Variants in PDLIM4 observed in about 807,000 individuals in gnomAD.
PDLIM4 encodes PDZ and LIM domain protein 4.
A neutral mutation model predicts 31.3 loss-of-function variants in PDLIM4; 19 were observed. That is an observed-to-expected ratio of 0.61 (90% confidence interval 0.42 to 0.89). The LOEUF (loss-of-function observed/expected upper bound fraction) is 0.89, where lower values mean the gene tolerates loss of function less well. Ranked by LOEUF, PDLIM4 falls within the 40% of genes least tolerant of loss-of-function variation. PDLIM4 has a pLI of 0.00. For synonymous variants in PDLIM4, 176 were observed against 190.1 expected (o/e 0.93, Z 0.61); for missense variants, 442 against 461.1 (o/e 0.96, Z 0.38).
Position 132,271,042 on chromosome 5 carries a change from A to G in PDLIM4, c.455A>G (p.Glu152Gly), listed in dbSNP as rs745870450. 2 of 1,614,092 alleles carry G rather than the reference A, an allele frequency of 1.2e-6. No individual in the cohort carries two copies. Among genetic ancestry groups the G allele is most frequent in the South Asian group, 1.1e-5 (1 of 91,084 alleles). ...RFPVPHNGSS[E>G]ATLPAQMSTL... is the part of the protein sequence containing the mutation. ...CCAGTCCCTCACAATGGCAGCAGCG[A>G]GGCCACCCTGCCAGCCCAGATGAGC... is the stretch of plus-strand genomic sequence containing the variant. The change falls in exon 4 of 7, where the codon GAG becomes GGG. Residue 152 changes from glutamate (E) to glycine (G), a missense_variant. Transcript: ENST00000253754.
chr5:132,272,316 C>A lies in PDLIM4; in HGVS notation c.*87C>A. 1 of 1,118,300 alleles carries A rather than the reference C, an allele frequency of 8.9e-7. No individual in the cohort carries two copies. Among genetic ancestry groups the A allele is most frequent in the Non-Finnish European group, 1.3e-6 (1 of 757,762 alleles). The allele number at this position is 1,118,300 out of a possible 1,614,324, so 69.3% of individuals were successfully genotyped here. Reference sequence around the variant, plus strand: ...TCACCCTGTCCCTCTAATAAAGCTCCTCTGCTCCACCTTGAACCTGTCACC... The same window carrying A: ...TCACCCTGTCCCTCTAATAAAGCTCATCTGCTCCACCTTGAACCTGTCACC... On this transcript the variant is annotated 3_prime_UTR_variant, in exon 7 of 7. Transcript: ENST00000253754.
At chr5:132,259,499 C>T (rs1489062797) in intron 1 of PDLIM4, among the ~76,000 whole-genome samples, 1 of 152,168 alleles carries the variant, frequency 6.6e-6, no homozygotes, top group Non-Finnish European at 1.5e-5. Flanking sequence ...CCCAAAGTCA[C>T]GCGGCAGCAG....
In PDLIM4 at chr5:132,272,391, G is replaced by A. The variant is rs77817662; in HGVS notation, c.*162G>A. 4.4e-3 allele frequency: 2,844 copies of A among 649,810 alleles called. 61 individuals carry two copies. In the African/African-American group the frequency reaches 0.046, roughly 11 times the overall value. 40.3% of individuals were successfully genotyped at this position (649,810 alleles called of 1,614,324 possible). A position where few individuals can be genotyped will look rare whatever the true frequency, so the allele number is the denominator to read the frequency against. ...CCATGCATGGCTCCCGAGTACAGTA[G>A]TATCTGCTTAGGTGCCAGGCATGTC... On this transcript the variant is annotated 3_prime_UTR_variant, in exon 7 of 7. Transcript: ENST00000253754.
chr5:132,271,700 G>A (rs753592716), intron 5 of PDLIM4, 91 bp from the exon 6 acceptor site: 3 of 1,061,294 alleles, frequency 2.8e-6, no homozygotes, highest in African/African-American at 3.1e-5. Flanking sequence ...CTCGGGTGCC[G>A]ATGGCCCGTC....
At chr5:132,265,807 C>G (rs959029329) in intron 2 of PDLIM4, among the ~76,000 whole-genome samples, 3 of 152,196 alleles carry the variant, frequency 2.0e-5, no homozygotes, top group Non-Finnish European at 4.4e-5. Flanking sequence ...GCCTTAGGCA[C>G]GTAGCCTCTC....
At chr5:132,260,050 T>C (rs1756339900) in intron 1 of PDLIM4, among the ~76,000 whole-genome samples, 2 of 152,156 alleles carry the variant, frequency 1.3e-5, no homozygotes, top group African/African-American at 4.8e-5. Context: ...TGGCCTTACA[T>C]AGATGGAGAC....
chr5:132,266,600 G>T, intron 3 of PDLIM4, 55 bp downstream of exon 3: 1 of 1,193,516 alleles, frequency 8.4e-7, no homozygotes, highest in Non-Finnish European at 1.2e-6. Context: ...CAGGGCAGAG[G>T]GGCCAGCATG....
chr5:132,260,044 C>T (rs1756339696), intron 1 of PDLIM4, among the ~76,000 whole-genome samples: 1 of 152,214 alleles, frequency 6.6e-6, no homozygotes, highest in East Asian at 1.9e-4. Flanking sequence ...TCCCTCTGGC[C>T]TTACATAGAT....
At chr5:132,259,400 A>T (rs1331798942) in intron 1 of PDLIM4, among the ~76,000 whole-genome samples, 1 of 152,158 alleles carries the variant, frequency 6.6e-6, no homozygotes, top group African/African-American at 2.4e-5. Context: ...CAGCAGCAGC[A>T]GCAACAGCCT....
intron 5 of PDLIM4, 123 bp downstream of exon 5, chr5:132,271,589 C>G (rs2292259): frequency 0.03 from 33,435 of 1,125,072 alleles, 1,916 homozygotes; most frequent in East Asian, 0.19. Context: ...CGGCCCGGTC[C>G]CACGCCCTTG....
Position 132,271,415 on chromosome 5 carries a change from C to A in PDLIM4, c.619C>A (p.Gln207Lys). 6.2e-7 allele frequency: 1 copy of A among 1,608,978 alleles called. No individual in the cohort carries two copies. ...CGAGCCCGTGGCCGCGGAGCCCAAG[C>A]AGTCAGGCTCCTTCCGCTACTTGCA... The part of the protein sequence containing the change: ...PAEPVAAEPK[Q>K]SGSFRYLQGM... Residue 207 changes from glutamine (Q) to lysine (K), a missense_variant, in exon 5 of 7, where the codon CAG becomes AAG. Gln to Lys is a moderately conservative substitution (Grantham distance 53). Coordinates refer to ENST00000253754, the MANE Select transcript of PDLIM4 (RefSeq NM_003687.4).
At position 132,271,439 on chromosome 5, in the gene PDLIM4, C is replaced by G; in HGVS notation, c.643C>G (p.Gln215Glu). 1.2e-6 allele frequency: 2 copies of G among 1,609,286 alleles called. No homozygotes were observed. The highest frequency in any genetic ancestry group is 1.7e-6 in the Non-Finnish European group (2 of 1,179,896). Residue 215 changes from glutamine to glutamate, a missense_variant, in exon 5 of 7, where the codon CAG becomes GAG. Physicochemically the swap from Gln to Glu is conservative, Grantham distance 29 (BLOSUM62 2). Transcript: ENST00000253754. ...GCAGTCAGGCTCCTTCCGCTACTTG[C>G]AGGGCATGCTAGAGGCCGGCGAGGG... ...PKQSGSFRYL[Q>E]GMLEAGEGGD...
chr5:132,265,724 CCCA>C (rs1401053028), intron 2 of PDLIM4, among the ~76,000 whole-genome samples: 3 of 152,224 alleles, frequency 2.0e-5, no homozygotes, highest in African/African-American at 7.2e-5. Context: ...TCACCTCATA[CCCA>C]CCTGCCAGTC....
intron 2 of PDLIM4, among the ~76,000 whole-genome samples, chr5:132,266,105 T>A (rs80171636): frequency 0.072 from 10,937 of 152,286 alleles, 503 homozygotes; most frequent in South Asian, 0.13. Flanking sequence ...GGTCAATGTG[T>A]GAGGCCTGGC....
Position 132,267,989 on chromosome 5 carries a change from G to A in PDLIM4, c.327+1444G>A, listed in dbSNP as rs544363317. Reference sequence around the variant, plus strand: ...GCCTCAAGCTCATGCATGAGGCCCAGCCTCCCTCAGAGGTAGCAGTGCCAG... The same window carrying A: ...GCCTCAAGCTCATGCATGAGGCCCAACCTCCCTCAGAGGTAGCAGTGCCAG... On this transcript the variant is annotated intron_variant, in intron 3 of 6. Coordinates refer to ENST00000253754, the MANE Select transcript of PDLIM4 (RefSeq NM_003687.4). Among the ~76,000 whole-genome samples, 13 of 152,310 alleles carry A rather than the reference G, an allele frequency of 8.5e-5. No homozygotes were observed. In the South Asian group the frequency reaches 2.7e-3, roughly 32 times the overall value.
Position 132,272,134 on chromosome 5 carries a change from C to T in PDLIM4, c.898C>T (p.Leu300Phe). 1 of 1,614,268 alleles carries T rather than the reference C, an allele frequency of 6.2e-7. No homozygotes were observed. The highest frequency in any genetic ancestry group is 1.1e-5 in the South Asian group (1 of 91,090). The change falls in exon 7 of 7, where the codon CTC (leucine) becomes TTC (phenylalanine). Residue 300 changes from leucine (L) to phenylalanine (F), a missense_variant. By Grantham distance (22) the Leu-to-Phe change is conservative. Transcript: ENST00000253754. ...QRGYFFLDER[L>F]YCESHAKARV... is the part of the protein sequence containing the mutation. ...TGGTTACTTCTTTCTGGACGAGCGG[C>T]TCTACTGTGAGAGCCACGCCAAGGC...
chr5:132,271,836 C>T lies in PDLIM4; in HGVS notation c.716C>T (p.Ala239Val). 1.9e-6 allele frequency: 3 copies of T among 1,612,852 alleles called. No homozygotes were observed. Among genetic ancestry groups the T allele is most frequent in the Non-Finnish European group, 2.5e-6 (3 of 1,179,606 alleles). The change falls in exon 6 of 7, where the codon GCC (alanine) becomes GTC (valine). Residue 239 changes from alanine to valine, a missense_variant. Physicochemically the swap from Ala to Val is moderately conservative, Grantham distance 64. Transcript: ENST00000253754. Reference sequence around the variant, plus strand: ...GGCCCCCGGAACCTCAAGCCCACGGCCAGCAAGCTGGGCGCTCCGCTGAGC... The same window carrying T: ...GGCCCCCGGAACCTCAAGCCCACGGTCAGCAAGCTGGGCGCTCCGCTGAGC... Reference protein sequence around the residue: ...PGGPRNLKPTASKLGAPLSGL... With the variant: ...PGGPRNLKPTVSKLGAPLSGL...
At chr5:132,267,562 A>C (rs1756518397) in intron 3 of PDLIM4, among the ~76,000 whole-genome samples, 1 of 152,208 alleles carries the variant, frequency 6.6e-6, no homozygotes, top group South Asian at 2.1e-4. Flanking sequence ...CAAGGAGTCA[A>C]GGAGTGCTTC....
Position 132,272,310 on chromosome 5 carries a change from A to C in PDLIM4, c.*81A>C. 5 of 1,163,930 alleles carry C rather than the reference A, an allele frequency of 4.3e-6. No homozygotes were observed. Among genetic ancestry groups the C allele is most frequent in the Non-Finnish European group, 6.3e-6 (5 of 795,250 alleles). The allele number at this position is 1,163,930 out of a possible 1,614,324, so 72.1% of individuals were successfully genotyped here. On this transcript the variant is annotated 3_prime_UTR_variant, in exon 7 of 7. Transcript: ENST00000253754. ...TATGTTTCACCCTGTCCCTCTAATA[A>C]AGCTCCTCTGCTCCACCTTGAACCT...
Sources: allele counts gnomAD v4.1 joint callset (sites outside exome capture counted in the v4.1 genomes callset), GRCh38; gene constraint gnomAD v4.1.1; transcripts MANE v1.5; gene names NCBI Gene and HGNC (gene_info 2026-07-23, HGNC 2026-07-21).